Variants in SRBD1 observed in about 807,000 individuals in gnomAD.
The protein encoded by SRBD1 is S1 RNA-binding domain-containing protein 1.
A neutral mutation model predicts 115.3 loss-of-function variants in SRBD1; 88 were observed. The ratio of observed to expected loss-of-function variants is 0.76; its 90% CI spans 0.64 to 0.91. The LOEUF (loss-of-function observed/expected upper bound fraction) is 0.91, where lower values mean the gene tolerates loss of function less well. Ranked by LOEUF, SRBD1 falls within the 40% of genes least tolerant of loss-of-function variation. The probability of loss-of-function intolerance (pLI) is 0.00; values close to 1 mark genes in which losing one functional copy is unlikely to be tolerated. For synonymous variants in SRBD1, 509 were observed against 407.7 expected, an observed-to-expected ratio of 1.25 and a Z score of -2.99; for missense variants, 1,385 against 1,177.4, an observed-to-expected ratio of 1.18 and a Z score of -2.58.
intron 19 of SRBD1, among the ~76,000 whole-genome samples, chr2:45,408,750 C>T (rs749306172): frequency 6.6e-6 from 1 of 152,130 alleles, no homozygotes; most frequent in Non-Finnish European, 1.5e-5. Flanking sequence ...ACTATTAGCA[C>T]TACTATAACT....
At chr2:45,405,237 A>C (rs1451933110) in intron 19 of SRBD1, among the ~76,000 whole-genome samples, 2 of 152,280 alleles carry the variant, frequency 1.3e-5, no homozygotes, top group East Asian at 3.9e-4. Context: ...CACTCAAAAG[A>C]CTTTTTTAAA....
intron 16 of SRBD1, among the ~76,000 whole-genome samples, chr2:45,437,645 C>T (rs772111327): frequency 3.3e-5 from 5 of 152,100 alleles, no homozygotes; most frequent in Admixed American, 6.5e-5. Flanking sequence ...GGAAGATCAC[C>T]TGAGCTCAGG....
chr2:45,418,260 T>A, intron 18 of SRBD1, 105 bp downstream of exon 18: 1 of 1,342,306 alleles, frequency 7.4e-7, no homozygotes, highest in South Asian at 1.5e-5. Flanking sequence ...AATGAAGGCA[T>A]GAACAATGGA....
rs1673458598 is a variant in SRBD1 at position 45,584,518 on chromosome 2, CAG to C, written c.815+1088_815+1089del. 4.6e-5 allele frequency among the ~76,000 whole-genome samples: 7 copies of C among 152,286 alleles called. No homozygotes were observed. The South Asian group carries it at 1.5e-3, about 32-fold the overall frequency. On this transcript the variant is annotated intron_variant, in intron 5 of 20. Transcript: ENST00000263736. ...TGAGATGCAAGTTCCCCCAAAATAA[CAG>C]AAAGCTTGTCAAGCTTGTTATAAAA...
At chr2:45,543,394 T>C (rs1053626321) in intron 14 of SRBD1, among the ~76,000 whole-genome samples, 5 of 152,220 alleles carry the variant, frequency 3.3e-5, no homozygotes, top group African/African-American at 1.2e-4. Context: ...ATATATATCA[T>C]GGCATTTGTT....
At chr2:45,406,165 A>C (rs1487576706) in intron 19 of SRBD1, among the ~76,000 whole-genome samples, 1 of 152,176 alleles carries the variant, frequency 6.6e-6, no homozygotes, top group Non-Finnish European at 1.5e-5. Flanking sequence ...ACAATGGGCA[A>C]GGTCAGGAGT....
intron 14 of SRBD1, chr2:45,546,509 G>T (rs1672123852): frequency 5.3e-6 from 2 of 378,078 alleles, no homozygotes; most frequent in Non-Finnish European, 7.3e-6. Context: ...TGCTGCTTCT[G>T]TAAGAGGTTT....
chr2:45,489,091 T>G (rs978628710), intron 14 of SRBD1, among the ~76,000 whole-genome samples: 2 of 152,172 alleles, frequency 1.3e-5, no homozygotes, highest in African/African-American at 4.8e-5. Context: ...CAGCTGACAT[T>G]TGTATGGGGA....
chr2:45,468,471 T>A (rs1669556775), intron 16 of SRBD1, among the ~76,000 whole-genome samples: 1 of 151,852 alleles, frequency 6.6e-6, no homozygotes, highest in African/African-American at 2.4e-5. Context: ...CAATGCAGCC[T>A]TTATCTTCCG....
At chr2:45,412,062 C>T (rs1394579204) in intron 19 of SRBD1, among the ~76,000 whole-genome samples, 6 of 152,106 alleles carry the variant, frequency 3.9e-5, no homozygotes, top group Non-Finnish European at 8.8e-5. Context: ...GCCGAGATCA[C>T]ACCACTGCAC....
chr2:45,577,593 A>G (rs1673219771), intron 7 of SRBD1, among the ~76,000 whole-genome samples: 1 of 152,172 alleles, frequency 6.6e-6, no homozygotes, highest in Non-Finnish European at 1.5e-5. Context: ...GGCACAGTAT[A>G]GCTTTATGAT....
At chr2:45,507,682 T>C (rs1437641191) in intron 14 of SRBD1, among the ~76,000 whole-genome samples, 2 of 151,870 alleles carry the variant, frequency 1.3e-5, no homozygotes, top group Non-Finnish European at 2.9e-5. Flanking sequence ...ATCGTGCCAC[T>C]GTACTCGAAC....
chr2:45,466,286 A>G (rs927512906), intron 16 of SRBD1, among the ~76,000 whole-genome samples: 1 of 152,124 alleles, frequency 6.6e-6, no homozygotes, highest in Non-Finnish European at 1.5e-5. Context: ...ACTACCCCAC[A>G]GGAGTCTCTC....
chr2:45,548,193 C>A (rs1393017778), intron 12 of SRBD1, among the ~76,000 whole-genome samples: 1 of 150,516 alleles, frequency 6.6e-6, no homozygotes, highest in Non-Finnish European at 1.5e-5. Context: ...AGGAAAAGAA[C>A]AGCAAAATAA....
rs563767912 is a variant in SRBD1 at position 45,573,732 on chromosome 2, T to TCA, written c.1170-392_1170-391dup. On this transcript the variant is annotated intron_variant, in intron 8 of 20. Transcript: ENST00000263736. ...AAAAAAAGAGAAACAAAAGGATGTG[T>TCA]CAGGACAGCTTCCAATAACAATTTA... is the stretch of plus-strand genomic sequence containing the variant. Among the ~76,000 whole-genome samples the TCA allele has an allele frequency of 2.1e-4, 32 of 152,310 alleles. No homozygotes were observed. The South Asian group carries it at 6.6e-3, about 32-fold the overall frequency.
chr2:45,585,120 A>C (rs749793240), intron 5 of SRBD1, among the ~76,000 whole-genome samples: 2 of 151,952 alleles, frequency 1.3e-5, no homozygotes, highest in Non-Finnish European at 2.9e-5. Context: ...ACTGCACTTC[A>C]GCCCAGGCGA....
chr2:45,497,159 G>A (rs1572703242), intron 14 of SRBD1, among the ~76,000 whole-genome samples: 1 of 152,228 alleles, frequency 6.6e-6, no homozygotes, highest in Non-Finnish European at 1.5e-5. Context: ...CTGTCGCTAT[G>A]GCAAATGAAC....
chr2:45,534,264 A>G (rs1285985804), intron 14 of SRBD1, among the ~76,000 whole-genome samples: 1 of 152,050 alleles, frequency 6.6e-6, no homozygotes, highest in African/African-American at 2.4e-5. Context: ...TTTTAAAAAC[A>G]TTCTGCCTTT....
chr2:45,585,318 T>C (rs1673484386), intron 5 of SRBD1, among the ~76,000 whole-genome samples: 2 of 152,198 alleles, frequency 1.3e-5, no homozygotes, highest in South Asian at 4.1e-4. Flanking sequence ...CTGGCAGTCC[T>C]AATTTTGCCA....
Sources: gnomAD v4.1 joint callset for allele counts (sites outside exome capture counted in the v4.1 genomes callset) on GRCh38, gnomAD v4.1.1 for gene constraint, MANE v1.5 for transcripts, NCBI Gene and HGNC (gene_info 2026-07-23, HGNC 2026-07-21) for gene names.